Variants in ZNF264 observed in about 807,000 individuals in gnomAD.
ZNF264 encodes zinc finger protein 264.
ZNF264 carries 11 observed loss-of-function variants against 11.2 expected under a neutral mutation model. The observed-to-expected ratio is 0.98, with a 90% CI of 0.62 to 1.63. ZNF264 has a LOEUF of 1.63. Ranked by LOEUF, ZNF264 falls within the 40% of genes most tolerant of loss-of-function variation. ZNF264 has a pLI of 0.00. For synonymous variants in ZNF264, 309 were observed against 279.8 expected (o/e 1.10, Z -1.04); for missense variants, 752 against 768.1 (o/e 0.98, Z 0.25).
chr19:57,194,575 G>A (rs1249365367), intron 2 of ZNF264, among the ~76,000 whole-genome samples: 1 of 152,210 alleles, frequency 6.6e-6, no homozygotes, highest in Non-Finnish European at 1.5e-5. Flanking sequence ...GGTGTCCAAT[G>A]TTCGAGGGCA....
intron 2 of ZNF264, among the ~76,000 whole-genome samples, chr19:57,203,265 G>C (rs1054696599): frequency 6.6e-6 from 1 of 152,044 alleles, no homozygotes; most frequent in Non-Finnish European, 1.5e-5. Context: ...ATACTGGCTT[G>C]GTATGTGAGA....
intron 2 of ZNF264, among the ~76,000 whole-genome samples, chr19:57,204,586 C>T (rs1363925960): frequency 1.3e-5 from 2 of 152,104 alleles, no homozygotes; most frequent in Admixed American, 6.6e-5. Context: ...TGTGAGGCCT[C>T]CCTAGCCATG....
chr19:57,215,469 T>C lies in ZNF264; in HGVS notation c.*2488T>C, dbSNP rs928687808. On this transcript the variant is annotated 3_prime_UTR_variant, in exon 4 of 4. Transcript: ENST00000263095. ...TCATGCTGAAAGATGTAATTTTTGCTTCATCTCTCACTTCAGAGAACTAGC... is the reference window on the plus strand; with the variant it reads ...TCATGCTGAAAGATGTAATTTTTGCCTCATCTCTCACTTCAGAGAACTAGC... 6.6e-6 allele frequency: 1 copy of C among 152,228 alleles called. No individual in the cohort carries two copies. The highest frequency in any genetic ancestry group is 1.5e-5 in the Non-Finnish European group (1 of 68,044). The allele number at this position is 152,228 out of a possible 1,614,324, so 9.4% of individuals were successfully genotyped here. A position where few individuals can be genotyped will look rare whatever the true frequency, so the allele number is the denominator to read the frequency against.
intron 3 of ZNF264, among the ~76,000 whole-genome samples, chr19:57,210,080 A>T (rs2087323515): frequency 1.3e-5 from 2 of 152,260 alleles, no homozygotes; most frequent in Admixed American, 1.3e-4. Context: ...CCAGCTCGGA[A>T]TCATGGGAAT....
Position 57,191,808 on chromosome 19 carries a change from G to A in ZNF264, c.-106G>A. The A allele has an allele frequency of 1.1e-6, 1 of 915,874 alleles. No homozygotes were observed. Among genetic ancestry groups the A allele is most frequent in the Non-Finnish European group, 1.4e-6 (1 of 696,242 alleles). 56.7% of individuals were successfully genotyped at this position (915,874 alleles called of 1,614,324 possible). ...GCCACCGAGGAGGCGGCGGCCCCGA[G>A]CGCGCCTGGAAGCCCCGGGCAACCG... is the stretch of plus-strand genomic sequence containing the variant. On this transcript the variant is annotated 5_prime_UTR_variant, in exon 1 of 4. Transcript: ENST00000263095.
chr19:57,195,919 A>G (rs1000206519), intron 2 of ZNF264, among the ~76,000 whole-genome samples: 2 of 151,792 alleles, frequency 1.3e-5, no homozygotes, highest in African/African-American at 4.9e-5. Flanking sequence ...AAATTTTGCT[A>G]GTTGATCACT....
chr19:57,195,022 AAC>A (rs2087202039), intron 2 of ZNF264: 1 of 381,872 alleles, frequency 2.6e-6, no homozygotes, highest in African/African-American at 2.1e-5. Flanking sequence ...TGACTGTGTT[AAC>A]ACAGGATGGG....
In ZNF264 at chr19:57,212,993, G is replaced by A; in HGVS notation, c.*12G>A. 1 of 1,595,578 alleles carries A rather than the reference G, an allele frequency of 6.3e-7. No individual in the cohort carries two copies. The highest frequency in any genetic ancestry group is 8.6e-7 in the Non-Finnish European group (1 of 1,169,168). ...TGTCTTCACTGTGAGAAAACCTTCT[G>A]TTGCTGAATATTACTTGTCATCTGA... On this transcript the variant is annotated 3_prime_UTR_variant, in exon 4 of 4. Coordinates refer to ENST00000263095, the MANE Select transcript of ZNF264 (RefSeq NM_003417.5).
Position 57,221,553 on chromosome 19 carries a change from ACCAGG to A in ZNF264, c.*8574_*8578del, listed in dbSNP as rs1023842607. ...GGGAAAAAGCCAAAATTCAGAGAAAACCAGGCACAATCTTCTGAGTCTTGTTTCAG... is the reference window on the plus strand; with the variant it reads ...GGGAAAAAGCCAAAATTCAGAGAAAACACAATCTTCTGAGTCTTGTTTCAG... On this transcript the variant is annotated 3_prime_UTR_variant, in exon 4 of 4. Coordinates refer to ENST00000263095, the MANE Select transcript of ZNF264 (RefSeq NM_003417.5). 1.3e-5 allele frequency: 2 copies of A among 152,218 alleles called. No individual in the cohort carries two copies. Among genetic ancestry groups the A allele is most frequent in the African/African-American group, 4.8e-5 (2 of 41,448 alleles). The allele number at this position is 152,218 out of a possible 1,614,324, so 9.4% of individuals were successfully genotyped here.
Position 57,191,963 on chromosome 19 carries a change from T to A in ZNF264, c.33+17T>A. The A allele has an allele frequency of 6.5e-7, 1 of 1,529,288 alleles. No individual in the cohort carries two copies. The highest frequency in any genetic ancestry group is 1.4e-5 in the African/African-American group (1 of 70,742). 94.7% of individuals were successfully genotyped at this position (1,529,288 alleles called of 1,614,324 possible). A position where few individuals can be genotyped will look rare whatever the true frequency, so the allele number is the denominator to read the frequency against. On this transcript the variant is annotated intron_variant, in intron 1 of 3. Transcript: ENST00000263095. ...CGGGCCCAGGTGAGTGGACGGTGGC[T>A]TCGCGGTTGCCGCTTCCTTGCCAGC...
In ZNF264 at chr19:57,212,026, C is replaced by T. The variant is rs766756571; in HGVS notation, c.929C>T (p.Thr310Ile). The change falls in exon 4 of 4, where the codon ACT (threonine) becomes ATT (isoleucine). Residue 310 changes from threonine (T) to isoleucine (I), a missense_variant. Thr to Ile is a moderately conservative substitution (Grantham distance 89). Transcript: ENST00000263095. ...TTTGTCTTGCATAACAGGAGACACA[C>T]TGGAGAAAAATCCTTTGTGTGCACA... The part of the protein sequence containing the change: ...SNFVLHNRRH[T>I]GEKSFVCTEC... 4 of 1,614,086 alleles carry T rather than the reference C, an allele frequency of 2.5e-6. No homozygotes were observed. In the Admixed American group the frequency reaches 6.7e-5, roughly 27 times the overall value.
In ZNF264 at chr19:57,211,519, G is replaced by T. The variant is rs2087335362; in HGVS notation, c.422G>T (p.Arg141Ile). The T allele has an allele frequency of 1.2e-6, 2 of 1,614,092 alleles. No individual in the cohort carries two copies. The highest frequency in any genetic ancestry group is 2.2e-5 in the East Asian group (1 of 44,844). The change falls in exon 4 of 4, where the codon AGA becomes ATA. Residue 141 changes from arginine to isoleucine, a missense_variant. Coordinates refer to ENST00000263095, the MANE Select transcript of ZNF264 (RefSeq NM_003417.5). ...GLSEMQEGHF[R>I]PGIDPQEKSP... is the part of the protein sequence containing the mutation. ...TCAGAAATGCAGGAAGGACACTTCA[G>T]ACCAGGAATAGATCCCCAGGAGAAG...
At chr19:57,201,561 T>G (rs73062828) in intron 2 of ZNF264, among the ~76,000 whole-genome samples, 2 of 151,608 alleles carry the variant, frequency 1.3e-5, no homozygotes, top group African/African-American at 4.9e-5. Context: ...GCCTCAGCCT[T>G]GTATATTACC....
rs1332000689 is a variant in ZNF264, at chr19:57,198,046, T to C, written c.160+4045T>C. Among the ~76,000 whole-genome samples, 4 of 152,140 alleles carry C rather than the reference T, an allele frequency of 2.6e-5. No individual in the cohort carries two copies. The East Asian group carries it at 7.7e-4, about 29-fold the overall frequency. On this transcript the variant is annotated intron_variant, in intron 2 of 3. Transcript: ENST00000263095. Reference sequence around the variant, plus strand: ...TTACGACACAAAGTCGGAGAGTTGATAGGCCCCTAGGGTAGGACCGTGAAG... The same window carrying C: ...TTACGACACAAAGTCGGAGAGTTGACAGGCCCCTAGGGTAGGACCGTGAAG...
Position 57,215,416 on chromosome 19 carries a change from C to T in ZNF264, c.*2435C>T, listed in dbSNP as rs1453463469. Reference sequence around the variant, plus strand: ...CATACTCATTTTATGATTGAGTCTTCTTAGACATTTATCAGTTTTATTGCG... The same window carrying T: ...CATACTCATTTTATGATTGAGTCTTTTTAGACATTTATCAGTTTTATTGCG... On this transcript the variant is annotated 3_prime_UTR_variant, in exon 4 of 4. Coordinates refer to ENST00000263095, the MANE Select transcript of ZNF264 (RefSeq NM_003417.5). 2.0e-5 allele frequency: 3 copies of T among 152,062 alleles called. No individual in the cohort carries two copies. The highest frequency in any genetic ancestry group is 3.8e-4 in the East Asian group (2 of 5,196). The allele number at this position is 152,062 out of a possible 1,614,324, so 9.4% of individuals were successfully genotyped here. A position where few individuals can be genotyped will look rare whatever the true frequency, so the allele number is the denominator to read the frequency against.
In ZNF264 at chr19:57,222,526, A is replaced by G. The variant is rs563556063; in HGVS notation, c.*9545A>G. On this transcript the variant is annotated 3_prime_UTR_variant, in exon 4 of 4. Coordinates refer to ENST00000263095, the MANE Select transcript of ZNF264 (RefSeq NM_003417.5). ...GCGTTCTCTCTCTCTCTCTCTCTAT[A>G]TATATATATGTATATGTGTGTGTAC... is the stretch of plus-strand genomic sequence containing the variant. 5 of 146,222 alleles carry G rather than the reference A, an allele frequency of 3.4e-5. No homozygotes were observed. The highest frequency in any genetic ancestry group is 5.9e-5 in the Non-Finnish European group (4 of 67,706). 9.1% of individuals were successfully genotyped at this position (146,222 alleles called of 1,614,324 possible). A position where few individuals can be genotyped will look rare whatever the true frequency, so the allele number is the denominator to read the frequency against.
intron 2 of ZNF264, among the ~76,000 whole-genome samples, chr19:57,195,273 G>A (rs2087204021): frequency 6.6e-6 from 1 of 152,204 alleles, no homozygotes; most frequent in Admixed American, 6.5e-5. Context: ...CTGATATGAA[G>A]TCAGTAAATC....
chr19:57,191,798 G>A lies in ZNF264; in HGVS notation c.-116G>A, dbSNP rs2087174746. 1 of 771,428 alleles carries A rather than the reference G, an allele frequency of 1.3e-6. No individual in the cohort carries two copies. The highest frequency in any genetic ancestry group is 1.8e-6 in the Non-Finnish European group (1 of 565,022). 47.8% of individuals were successfully genotyped at this position (771,428 alleles called of 1,614,324 possible). A position where few individuals can be genotyped will look rare whatever the true frequency, so the allele number is the denominator to read the frequency against. ...GAACGCCGTTGCCACCGAGGAGGCG[G>A]CGGCCCCGAGCGCGCCTGGAAGCCC... is the stretch of plus-strand genomic sequence containing the variant. On this transcript the variant is annotated 5_prime_UTR_variant, in exon 1 of 4. Transcript: ENST00000263095.
At chr19:57,192,437 G>A (rs2087180818) in intron 1 of ZNF264, 1 of 985,380 alleles carries the variant, frequency 1.0e-6, no homozygotes, top group East Asian at 1.1e-4. Flanking sequence ...CAGACATTGT[G>A]GCCAGTCAGA....
Sources: gnomAD v4.1 joint callset for allele counts (sites outside exome capture counted in the v4.1 genomes callset) on GRCh38, gnomAD v4.1.1 for gene constraint, MANE v1.5 for transcripts, NCBI Gene and HGNC (gene_info 2026-07-23, HGNC 2026-07-21) for gene names.